ZDHHC20: variants seen among roughly 807,000 people sequenced by gnomAD.
ZDHHC20 encodes the protein zDHHC palmitoyltransferase 20.
ZDHHC20 carries 43 observed loss-of-function variants against 57.8 expected under a neutral mutation model. The ratio of observed to expected loss-of-function variants is 0.74; its 90% confidence interval spans 0.58 to 0.96. The LOEUF is 0.96. Ranked by LOEUF, ZDHHC20 falls within the 40% of genes least tolerant of loss-of-function variation. The probability of loss-of-function intolerance (pLI) is 0.00; values close to 1 mark genes in which losing one functional copy is unlikely to be tolerated. For synonymous variants in ZDHHC20, 157 were observed against 153.0 expected (o/e 1.03, Z -0.19); for missense variants, 391 against 441.1 (o/e 0.89, Z 1.02).
intron 1 of ZDHHC20, among the ~76,000 whole-genome samples, chr13:21,433,642 A>G (rs980518957): frequency 6.6e-6 from 1 of 152,086 alleles, no homozygotes; most frequent in Non-Finnish European, 1.5e-5. Context: ...GGGAATTCAC[A>G]AACAAAAATC....
At chr13:21,383,419 G>A (rs1873803291) in intron 9 of ZDHHC20, among the ~76,000 whole-genome samples, 1 of 152,158 alleles carries the variant, frequency 6.6e-6, no homozygotes, top group African/African-American at 2.4e-5. Flanking sequence ...CTATGATAGT[G>A]AGGCCTCCTC....
intron 1 of ZDHHC20, among the ~76,000 whole-genome samples, chr13:21,448,575 C>A (rs1884100943): frequency 2.1e-5 from 2 of 93,116 alleles, no homozygotes; most frequent in Admixed American, 9.9e-5. Flanking sequence ...CGGCCAGCCG[C>A]CCCGTCCGGG....
At chr13:21,403,383 T>A (rs1877985115) in intron 4 of ZDHHC20, among the ~76,000 whole-genome samples, 2 of 152,192 alleles carry the variant, frequency 1.3e-5, no homozygotes, top group Admixed American at 6.5e-5. Flanking sequence ...CTCTGAATTG[T>A]TTTCCACTAA....
intron 9 of ZDHHC20, among the ~76,000 whole-genome samples, 197 bp from the exon 10 acceptor site, chr13:21,383,206 T>C (rs1030440288): frequency 2.0e-5 from 3 of 152,204 alleles, no homozygotes; most frequent in Admixed American, 1.3e-4. Flanking sequence ...TCATCTTGAA[T>C]TGTAGTTCCC....
chr13:21,401,669 C>A lies in ZDHHC20; in HGVS notation c.457G>T (p.Asp153Tyr). The A allele has an allele frequency of 1.3e-6, 2 of 1,533,970 alleles. No homozygotes were observed. Among genetic ancestry groups the A allele is most frequent in the Non-Finnish European group, 1.8e-6 (2 of 1,142,532 alleles). The change falls in exon 6 of 13, where the codon GAT (aspartate) becomes TAT (tyrosine). Residue 153 changes from aspartate (D) to tyrosine (Y), a missense_variant. This residue lies in a region of ZDHHC20 where 185 missense variants were observed against 188.0 expected (regional missense o/e 0.98). Coordinates refer to ENST00000400590, the MANE Select transcript of ZDHHC20 (RefSeq NM_001330059.2). Reference protein sequence around the residue: ...SACDSCILKMDHHCPWVNNCV... With the variant: ...SACDSCILKMYHHCPWVNNCV... ...TATACATACCAAGGACAGTGATGAT[C>A]CATCTTAAGAATACATCTAGGAAAC... is the stretch of plus-strand genomic sequence containing the variant.
intron 3 of ZDHHC20, among the ~76,000 whole-genome samples, chr13:21,419,807 T>C (rs1880435808): frequency 1.3e-5 from 2 of 152,226 alleles, no homozygotes. Flanking sequence ...CACAGGTGTG[T>C]ACACATATGC....
chr13:21,413,577 C>T, intron 4 of ZDHHC20, 75 bp downstream of exon 4: 1 of 1,381,224 alleles, frequency 7.2e-7, no homozygotes. Context: ...ATAGTCAAAC[C>T]ATGCAAATAT....
At chr13:21,400,207 G>C (rs908636734) in intron 7 of ZDHHC20, among the ~76,000 whole-genome samples, 166 bp downstream of exon 7, 2 of 151,740 alleles carry the variant, frequency 1.3e-5, no homozygotes, top group African/African-American at 4.8e-5. Flanking sequence ...ATAAACATGT[G>C]TATATGAAAG....
At chr13:21,412,967 CAAAAAAAAAAAAA>C (rs60707653) in intron 4 of ZDHHC20, among the ~76,000 whole-genome samples, 1 of 67,100 alleles carries the variant, frequency 1.5e-5, no homozygotes, top group Non-Finnish European at 2.7e-5. Flanking sequence ...GACTCCGTCT[CAAAAAAAAAAAAA>C]AAAAAAAAAA....
At chr13:21,442,191 A>G (rs966974904) in intron 1 of ZDHHC20, among the ~76,000 whole-genome samples, 2 of 152,222 alleles carry the variant, frequency 1.3e-5, no homozygotes, top group Non-Finnish European at 2.9e-5. Context: ...ATGGTGAATT[A>G]TAATAATGAA....
rs1409996818 is a variant in ZDHHC20 at position 21,382,997 on chromosome 13, A to G, written c.867T>C (p.Gly289=). 6.4e-7 allele frequency: 1 copy of G among 1,559,238 alleles called. No individual in the cohort carries two copies. The highest frequency in any genetic ancestry group is 8.7e-7 in the Non-Finnish European group (1 of 1,150,614). The part of the protein sequence containing the change: ...LLPIFSSLGD[G]CSFPTRLVGM... ...CCACAAGGCGAGTTGGAAAACTGCAACCATCACCCAAGCTGCATAATGAAA... is the reference window on the plus strand; with the variant it reads ...CCACAAGGCGAGTTGGAAAACTGCAGCCATCACCCAAGCTGCATAATGAAA... Residue 289 remains glycine, a synonymous_variant, in exon 10 of 13, where the codon GGT becomes GGC. Transcript: ENST00000400590.
chr13:21,379,636 T>TA (rs1026254673), intron 11 of ZDHHC20, among the ~76,000 whole-genome samples: 1 of 152,038 alleles, frequency 6.6e-6, no homozygotes, highest in Non-Finnish European at 1.5e-5. Flanking sequence ...CTATTATCAT[T>TA]AAAAAACAGA....
At chr13:21,409,466 A>AT (rs1389158719) in intron 4 of ZDHHC20, among the ~76,000 whole-genome samples, 2 of 151,606 alleles carry the variant, frequency 1.3e-5, no homozygotes, top group African/African-American at 2.4e-5. Flanking sequence ...CCCCTTTATC[A>AT]TTTTTTTATT....
intron 4 of ZDHHC20, among the ~76,000 whole-genome samples, chr13:21,409,785 A>G (rs1462929889): frequency 4.6e-5 from 7 of 152,104 alleles, no homozygotes; most frequent in Non-Finnish European, 8.8e-5. Context: ...AGCAGTTCCC[A>G]TATCTTTATA....
intron 1 of ZDHHC20, among the ~76,000 whole-genome samples, chr13:21,450,436 T>A (rs1884333721): frequency 1.3e-5 from 2 of 152,164 alleles, no homozygotes; most frequent in Non-Finnish European, 2.9e-5. Context: ...TGAGTTTATG[T>A]GGGGAAATAA....
chr13:21,398,894 C>A (rs148740458), intron 7 of ZDHHC20, among the ~76,000 whole-genome samples: 1 of 152,028 alleles, frequency 6.6e-6, no homozygotes, highest in South Asian at 2.1e-4. Context: ...CAGGGGGACA[C>A]GCAACAACCC....
At chr13:21,428,602 C>G (rs375968172) in intron 1 of ZDHHC20, among the ~76,000 whole-genome samples, 2 of 151,300 alleles carry the variant, frequency 1.3e-5, no homozygotes, top group African/African-American at 4.9e-5. Flanking sequence ...GGCTCATGCC[C>G]GTAATCTCAG....
chr13:21,397,427 C>T (rs1876968084), intron 7 of ZDHHC20, among the ~76,000 whole-genome samples: 2 of 151,736 alleles, frequency 1.3e-5, no homozygotes, highest in Non-Finnish European at 2.9e-5. Context: ...TTTGGGAGGC[C>T]GAGGTGGGAG....
intron 8 of ZDHHC20, among the ~76,000 whole-genome samples, chr13:21,389,059 CA>C (rs1402421442): frequency 6.6e-6 from 1 of 152,124 alleles, no homozygotes; most frequent in African/African-American, 2.4e-5. Flanking sequence ...ATTTCATTTT[CA>C]GGGGCTCTTC....
Sources: allele counts gnomAD v4.1 joint callset (sites outside exome capture counted in the v4.1 genomes callset), GRCh38; gene constraint gnomAD v4.1.1; regional missense constraint gnomAD v4.1.1; transcripts MANE v1.5; gene names NCBI Gene and HGNC (gene_info 2026-07-23, HGNC 2026-07-21).